LY96: variants seen among roughly 807,000 people sequenced by gnomAD.
LY96 encodes the protein myeloid differentiation protein-2.
LY96 carries 18 observed loss-of-function variants against 18.9 expected under a neutral mutation model. The ratio of observed to expected loss-of-function variants is 0.95; its 90% confidence interval spans 0.66 to 1.41. LY96 has a LOEUF of 1.41. Ranked by LOEUF, LY96 falls within the 40% of genes most tolerant of loss-of-function variation. LY96 has a pLI of 0.00. For missense variants in LY96, 175 were observed against 182.4 expected, an observed-to-expected ratio of 0.96 and a Z score of 0.23; for synonymous variants, 66 against 62.6, an observed-to-expected ratio of 1.06 and a Z score of -0.26.
At chr8:74,062,704 C>T in the LY96 span, among the ~76,000 whole-genome samples, 1 of 152,114 alleles carries the variant, frequency 6.6e-6, no homozygotes, top group Middle Eastern at 3.2e-3. Flanking sequence ...TCAACTCAAT[C>T]TGTATCAATT....
At chr8:74,085,058 A>C in the LY96 span, among the ~76,000 whole-genome samples, 5 of 152,244 alleles carry the variant, frequency 3.3e-5, no homozygotes, top group African/African-American at 1.2e-4. Context: ...AACATGTTAA[A>C]TGAGAGAAAT....
At chr8:73,991,667 C>A (rs1418373872) in intron 1 of LY96, 113 bp downstream of exon 1, 2 of 713,692 alleles carry the variant, frequency 2.8e-6, no homozygotes, top group Admixed American at 2.0e-5. Context: ...TGTGTTCCAG[C>A]TGCTGTGGCG....
At chr8:74,088,919 A>G in the LY96 span, among the ~76,000 whole-genome samples, 1 of 152,160 alleles carries the variant, frequency 6.6e-6, no homozygotes, top group African/African-American at 2.4e-5. Flanking sequence ...GCTTTGCAGG[A>G]GTTAATTTAA....
intron 2 of LY96, 53 bp from the exon 3 acceptor site, chr8:74,009,948 A>T: frequency 7.8e-7 from 1 of 1,284,274 alleles, no homozygotes; most frequent in Non-Finnish European, 1.1e-6. Context: ...GTTAATTACT[A>T]TGTATAAAAG....
chr8:74,002,903 TA>T (rs1198235693), intron 1 of LY96, among the ~76,000 whole-genome samples: 1 of 152,196 alleles, frequency 6.6e-6, no homozygotes, highest in Non-Finnish European at 1.5e-5. Context: ...TGTGGTCCTT[TA>T]AAATGTTTTC....
intron 3 of LY96, among the ~76,000 whole-genome samples, chr8:74,011,763 G>A (rs769288427): frequency 2.0e-5 from 3 of 151,722 alleles, no homozygotes; most frequent in Non-Finnish European, 4.4e-5. Context: ...AGAGGCTGAG[G>A]CAGGAGAATC....
Position 73,996,372 on chromosome 8 carries a change from C to CCTTCATTTCTTTCTTTCTTTCTTT in LY96, c.112+4821_112+4822insCATTTCTTTCTTTCTTTCTTTCTT, listed in dbSNP as rs1816135382. Among the ~76,000 whole-genome samples, 355 of 110,998 alleles carry CCTTCATTTCTTTCTTTCTTTCTTT rather than the reference C, an allele frequency of 3.2e-3. 15 individuals are homozygous for CCTTCATTTCTTTCTTTCTTTCTTT. The highest frequency in any genetic ancestry group is 4.6e-3 in the Admixed American group (49 of 10,660). The allele number at this position is 110,998 out of a possible 152,430, so 72.8% of individuals were successfully genotyped here. ...TCCTTCCTTCCTTCCTTCCTTCATT[C>CCTTCATTTCTTTCTTTCTTTCTTT]CTTTCTTTCTTTCTTTCTTTCTTTC... On this transcript the variant is annotated intron_variant, in intron 1 of 4. Coordinates refer to ENST00000284818, the MANE Select transcript of LY96 (RefSeq NM_015364.5).
chr8:74,036,582 C>T, the LY96 span, among the ~76,000 whole-genome samples: 3 of 152,174 alleles, frequency 2.0e-5, no homozygotes, highest in African/African-American at 7.2e-5. Context: ...TTATTTTTTA[C>T]ACATCTATAC....
chr8:74,017,534 T>C lies in LY96; in HGVS notation c.331+7405T>C, dbSNP rs945893463. Among the ~76,000 whole-genome samples, 7 of 152,046 alleles carry C rather than the reference T, an allele frequency of 4.6e-5. 1 individual carries two copies. Among genetic ancestry groups the C allele is most frequent in the African/African-American group, 1.7e-4 (7 of 41,412 alleles). ...CTAGCAAGGCAGGCCAACATTCAAA[T>C]TCAGGAAATACAGAGAACACCACAA... On this transcript the variant is annotated intron_variant, in intron 3 of 4. Transcript: ENST00000284818.
At chr8:73,997,849 G>C (rs1287532853) in intron 1 of LY96, among the ~76,000 whole-genome samples, 3 of 152,144 alleles carry the variant, frequency 2.0e-5, no homozygotes, top group Non-Finnish European at 4.4e-5. Context: ...AGATATATAA[G>C]GTAAGGTGCA....
intron 3 of LY96, among the ~76,000 whole-genome samples, chr8:74,025,586 C>T (rs1027867308): frequency 1.4e-5 from 2 of 141,926 alleles, no homozygotes; most frequent in African/African-American, 2.7e-5. Context: ...ACCCAGGAGG[C>T]GGAGCTTGCA....
chr8:74,059,730 A>G, the LY96 span, among the ~76,000 whole-genome samples: 2 of 152,272 alleles, frequency 1.3e-5, no homozygotes, highest in African/African-American at 4.8e-5. Context: ...AAGAAAATCT[A>G]CTTAAAACTA....
At chr8:74,035,594 G>A in the LY96 span, among the ~76,000 whole-genome samples, 1 of 152,162 alleles carries the variant, frequency 6.6e-6, no homozygotes, top group Non-Finnish European at 1.5e-5. Flanking sequence ...GGGGGGATCA[G>A]ACATGCCTCA....
intron 1 of LY96, among the ~76,000 whole-genome samples, chr8:74,004,020 C>G (rs1010535754): frequency 6.6e-6 from 1 of 152,038 alleles, no homozygotes; most frequent in African/African-American, 2.4e-5. Flanking sequence ...ATCTACCAGC[C>G]CAAGCTGCTG....
the LY96 span, among the ~76,000 whole-genome samples, chr8:74,067,583 A>C: frequency 6.6e-6 from 1 of 152,090 alleles, no homozygotes; most frequent in Non-Finnish European, 1.5e-5. Context: ...ACTTTCACAA[A>C]AGCAGAAGTG....
the LY96 span, among the ~76,000 whole-genome samples, chr8:74,077,748 T>C: frequency 1.3e-5 from 2 of 151,792 alleles, no homozygotes; most frequent in African/African-American, 4.8e-5. Flanking sequence ...ATATAAAAAG[T>C]GTTAAAACAT....
chr8:74,027,684 C>T (rs1292745542), intron 4 of LY96, among the ~76,000 whole-genome samples: 3 of 152,132 alleles, frequency 2.0e-5, no homozygotes, highest in Admixed American at 1.3e-4. Flanking sequence ...TGGAAATTAT[C>T]GCCAGACCAA....
the LY96 span, among the ~76,000 whole-genome samples, chr8:74,068,299 A>G: frequency 1.3e-5 from 2 of 151,912 alleles, no homozygotes; most frequent in Non-Finnish European, 2.9e-5. Context: ...TTCATGTTGT[A>G]TGTATTGGGA....
the LY96 span, among the ~76,000 whole-genome samples, chr8:74,078,032 G>A: frequency 1.1e-3 from 163 of 151,794 alleles, 3 homozygotes; most frequent in Non-Finnish European, 2.1e-4. Context: ...TGCTTGAGCC[G>A]AGGAATTTGA....
Sources: allele counts gnomAD v4.1 joint callset (sites outside exome capture counted in the v4.1 genomes callset), GRCh38; gene constraint gnomAD v4.1.1; transcripts MANE v1.5; gene names NCBI Gene and HGNC (gene_info 2026-07-23, HGNC 2026-07-21).